INPP5A: variants seen among roughly 807,000 people sequenced by gnomAD.
INPP5A encodes the protein inositol polyphosphate-5-phosphatase A.
Under a neutral mutation model 65.2 loss-of-function variants are expected in INPP5A, and 14 were observed. The observed-to-expected ratio is 0.21, with a 90% CI of 0.14 to 0.34. The LOEUF is 0.34. Among genes scored for constraint, INPP5A ranks in the 10% least tolerant of loss-of-function variants. INPP5A has a pLI of 1.00. For synonymous variants in INPP5A, 207 were observed against 208.3 expected (o/e 0.99, Z 0.05); for missense variants, 431 against 545.6 (o/e 0.79, Z 2.09).
At chr10:132,660,023 G>A (rs1590903559) in intron 4 of INPP5A, among the ~76,000 whole-genome samples, 1 of 152,276 alleles carries the variant, frequency 6.6e-6, no homozygotes, top group African/African-American at 2.4e-5. Context: ...CGTGACCCAC[G>A]GCACGTTCCC....
chr10:132,769,352 A>C (rs1202053865), intron 12 of INPP5A, among the ~76,000 whole-genome samples: 1 of 152,220 alleles, frequency 6.6e-6, no homozygotes, highest in African/African-American at 2.4e-5. Flanking sequence ...GGTCAGGAGC[A>C]GGAGAGTGAG....
intron 9 of INPP5A, among the ~76,000 whole-genome samples, chr10:132,744,435 A>G (rs1232167163): frequency 2.6e-5 from 4 of 152,102 alleles, no homozygotes; most frequent in Non-Finnish European, 4.4e-5. Flanking sequence ...CTGCGGCTCC[A>G]CCGGTCCCTG....
At chr10:132,572,505 T>G (rs1365198184) in intron 1 of INPP5A, among the ~76,000 whole-genome samples, 3 of 151,956 alleles carry the variant, frequency 2.0e-5, no homozygotes, top group African/African-American at 7.3e-5. Flanking sequence ...GGGGCTGCTT[T>G]CCCTGGGAGG....
chr10:132,771,410 C>T (rs371507614), intron 12 of INPP5A, among the ~76,000 whole-genome samples: 4 of 152,250 alleles, frequency 2.6e-5, no homozygotes, highest in African/African-American at 4.8e-5. Flanking sequence ...ACGCCGGCGC[C>T]GGCAGTTTTA....
At chr10:132,669,205 A>G (rs776344328) in intron 4 of INPP5A, among the ~76,000 whole-genome samples, 1 of 152,160 alleles carries the variant, frequency 6.6e-6, no homozygotes, top group Non-Finnish European at 1.5e-5. Context: ...GTGAGCAGAC[A>G]TCGTGCCACC....
intron 4 of INPP5A, among the ~76,000 whole-genome samples, chr10:132,681,711 C>T (rs2073048094): frequency 6.6e-6 from 1 of 152,192 alleles, no homozygotes; most frequent in African/African-American, 2.4e-5. Context: ...AATAGAATTC[C>T]CGTCTGATTC....
intron 2 of INPP5A, among the ~76,000 whole-genome samples, chr10:132,610,040 A>G (rs1323324234): frequency 6.6e-6 from 1 of 152,148 alleles, no homozygotes; most frequent in Non-Finnish European, 1.5e-5. Context: ...GTTTTAGGAG[A>G]CGTTTACAGT....
intron 4 of INPP5A, among the ~76,000 whole-genome samples, chr10:132,654,705 A>T (rs2072628960): frequency 6.6e-6 from 1 of 152,258 alleles, no homozygotes; most frequent in Non-Finnish European, 1.5e-5. Flanking sequence ...ATAATAGGCC[A>T]TTAATTGAAA....
chr10:132,588,012 C>CAAAAA (rs796469034), intron 1 of INPP5A, among the ~76,000 whole-genome samples: 15,340 of 55,394 alleles, frequency 0.28, 1,416 homozygotes, highest in East Asian at 0.41. Context: ...AACTCCATCT[C>CAAAAA]AAAAAAAAAA....
At chr10:132,712,366 T>G (rs11146475) in intron 8 of INPP5A, among the ~76,000 whole-genome samples, 3,764 of 152,052 alleles carry the variant, frequency 0.025, 143 homozygotes, top group African/African-American at 0.085. Flanking sequence ...TGTGTTCGTG[T>G]GTGCATGTGT....
chr10:132,621,410 A>T (rs2072105096), intron 2 of INPP5A, among the ~76,000 whole-genome samples: 1 of 152,106 alleles, frequency 6.6e-6, no homozygotes, highest in Non-Finnish European at 1.5e-5. Flanking sequence ...GCCTAAGGCG[A>T]TTGGGGCACA....
chr10:132,592,649 C>G (rs189140704), intron 1 of INPP5A, among the ~76,000 whole-genome samples: 1 of 152,210 alleles, frequency 6.6e-6, no homozygotes, highest in Admixed American at 6.5e-5. Context: ...TCAGGTGATC[C>G]GCCCGCCTTG....
intron 4 of INPP5A, among the ~76,000 whole-genome samples, chr10:132,684,524 C>T (rs1021953671): frequency 6.6e-6 from 1 of 152,170 alleles, no homozygotes; most frequent in African/African-American, 2.4e-5. Context: ...TGCAAAGCAG[C>T]CGTGAGGGTG....
intron 9 of INPP5A, among the ~76,000 whole-genome samples, chr10:132,745,254 C>T (rs181386799): frequency 1.1e-3 from 164 of 152,252 alleles, no homozygotes; most frequent in African/African-American, 3.7e-3. Context: ...CTCCTGGGGA[C>T]ACCTCCCCTT....
rs1488412416 is a variant in INPP5A, at chr10:132,782,621, T to C, written c.*592T>C. 1 of 150,494 alleles carries C rather than the reference T, an allele frequency of 6.6e-6. No individual in the cohort carries two copies. The highest frequency in any genetic ancestry group is 1.9e-4 in the East Asian group (1 of 5,170). 9.3% of individuals were successfully genotyped at this position (150,494 alleles called of 1,614,324 possible). On this transcript the variant is annotated 3_prime_UTR_variant, in exon 16 of 16. Coordinates refer to ENST00000368594, the MANE Select transcript of INPP5A (RefSeq NM_005539.5). The surrounding 1 kb of genome is among the most constrained non-coding windows in gnomAD (Gnocchi z 4.4). ...ATATATATAAATATATATAAATATATACTTTTTAAAAATAATTTATAAATC... is the reference window on the plus strand; with the variant it reads ...ATATATATAAATATATATAAATATACACTTTTTAAAAATAATTTATAAATC...
chr10:132,758,916 G>A (rs969517025), intron 11 of INPP5A, among the ~76,000 whole-genome samples: 5 of 152,172 alleles, frequency 3.3e-5, no homozygotes, highest in South Asian at 2.1e-4. Flanking sequence ...TCAGACCCGC[G>A]TTCCTCCTGA....
At chr10:132,613,587 A>G (rs113817640) in intron 2 of INPP5A, among the ~76,000 whole-genome samples, 3,546 of 152,360 alleles carry the variant, frequency 0.023, 50 homozygotes, top group South Asian at 0.039. Context: ...TTTCAGTGAC[A>G]CTTAGAACAG....
intron 2 of INPP5A, among the ~76,000 whole-genome samples, chr10:132,610,267 C>T (rs1057350897): frequency 2.0e-5 from 3 of 152,246 alleles, no homozygotes; most frequent in Non-Finnish European, 4.4e-5. Flanking sequence ...CCTGTCCCCA[C>T]GCTCCAGCCC....
At chr10:132,604,262 C>G (rs1242978051) in intron 1 of INPP5A, among the ~76,000 whole-genome samples, 1 of 150,462 alleles carries the variant, frequency 6.6e-6, no homozygotes, top group African/African-American at 2.5e-5. Context: ...CCATCCTGCC[C>G]TGTGCCGTCA....
Sources: allele counts gnomAD v4.1 joint callset (sites outside exome capture counted in the v4.1 genomes callset), GRCh38; gene constraint gnomAD v4.1.1; non-coding constraint Gnocchi (gnomAD v3.1); transcripts MANE v1.5; gene names NCBI Gene and HGNC (gene_info 2026-07-23, HGNC 2026-07-21).